The following EPAS1 variants were observed in gnomAD, a reference collection of about 807,000 sequenced individuals.
EPAS1 encodes the protein endothelial PAS domain protein 1, also known as endothelial PAS domain-containing protein 1.
In EPAS1, 23 loss-of-function variants were observed where a neutral mutation model predicts 87.9. That is an observed-to-expected ratio of 0.26 (90% confidence interval 0.19 to 0.37). The LOEUF (loss-of-function observed/expected upper bound fraction) is 0.37. EPAS1 is among the 10% of genes least tolerant of loss of function. The probability of loss-of-function intolerance (pLI) is 1.00; values close to 1 mark genes in which losing one functional copy is unlikely to be tolerated. For missense variants in EPAS1, 1,138 were observed against 1,120.7 expected (o/e 1.02, Z -0.22); for synonymous variants, 508 against 444.3 (o/e 1.14, Z -1.80).
At chr2:46,376,871 C>A in intron 9 of EPAS1, 118 bp downstream of exon 9, 6 of 1,062,788 alleles carry the variant, frequency 5.6e-6, no homozygotes, top group South Asian at 5.4e-5. Context: ...CCCAGCCCCC[C>A]AAGTCTTGTT....
intron 1 of EPAS1, among the ~76,000 whole-genome samples, chr2:46,302,942 G>A (rs1253235665): frequency 5.3e-5 from 8 of 151,986 alleles, no homozygotes; most frequent in African/African-American, 1.9e-4. Flanking sequence ...GCGTGGTGGC[G>A]TATGCCTGTA....
intron 1 of EPAS1, among the ~76,000 whole-genome samples, chr2:46,331,786 A>T (rs1683679148): frequency 6.6e-6 from 1 of 151,466 alleles, no homozygotes; most frequent in African/African-American, 2.4e-5. Flanking sequence ...CACTGCAGTC[A>T]CACCCCACCT....
chr2:46,318,750 C>T (rs1298337211), intron 1 of EPAS1, among the ~76,000 whole-genome samples: 2 of 152,144 alleles, frequency 1.3e-5, no homozygotes, highest in Non-Finnish European at 2.9e-5. Context: ...GACGTGTCTT[C>T]CCTAAATTCA....
At chr2:46,354,569 G>A (rs1481023429) in intron 2 of EPAS1, among the ~76,000 whole-genome samples, 2 of 150,690 alleles carry the variant, frequency 1.3e-5, no homozygotes, top group Admixed American at 6.6e-5. Flanking sequence ...AGATAGGGCA[G>A]GATACTCAAA....
At chr2:46,358,311 A>T (rs535474395) in intron 4 of EPAS1, among the ~76,000 whole-genome samples, 155 of 152,286 alleles carry the variant, frequency 1.0e-3, no homozygotes, top group Non-Finnish European at 1.5e-3. Context: ...GTCCTAGGGT[A>T]CACTGGCAGA....
chr2:46,318,177 G>C (rs553156127), intron 1 of EPAS1, among the ~76,000 whole-genome samples: 629 of 54,968 alleles, frequency 0.011, 1 homozygote, highest in Non-Finnish European at 0.017. Context: ...GGGGGAGAGA[G>C]AGATACACAC....
intron 1 of EPAS1, among the ~76,000 whole-genome samples, chr2:46,299,700 C>T (rs948034230): frequency 6.6e-6 from 1 of 152,176 alleles, no homozygotes; most frequent in Non-Finnish European, 1.5e-5. Flanking sequence ...GTCAGCTCCT[C>T]CTGCGCTCCT....
chr2:46,356,356 G>C (rs752633424), intron 3 of EPAS1, 54 bp downstream of exon 3: 23 of 1,607,342 alleles, frequency 1.4e-5, no homozygotes, highest in Non-Finnish European at 1.9e-5. Context: ...TTTGGGGGTA[G>C]AAATGAGTGG....
chr2:46,330,752 A>C (rs2104857648), intron 1 of EPAS1, among the ~76,000 whole-genome samples: 1 of 152,274 alleles, frequency 6.6e-6, no homozygotes, highest in Non-Finnish European at 1.5e-5. Flanking sequence ...CTTAGGAGGG[A>C]TGGTCCCAAG....
At position 46,381,599 on chromosome 2, in the gene EPAS1, T is replaced by C; in HGVS notation, c.2049T>C (p.Ser683=). 6.2e-7 allele frequency: 1 copy of C among 1,613,988 alleles called. No homozygotes were observed. The highest frequency in any genetic ancestry group is 1.1e-5 in the South Asian group (1 of 91,086). ...CCTGCTCTCTCGGGCTTGGCAGGTCTGCAAAGGGTTTTGGGGCTCGAGGCC... is the reference window on the plus strand; with the variant it reads ...CCTGCTCTCTCGGGCTTGGCAGGTCCGCAAAGGGTTTTGGGGCTCGAGGCC... The part of the protein sequence containing the change: ...PPHVSTFKTR[S]AKGFGARGPD... Residue 683 remains serine (S), a synonymous_variant, in exon 13 of 16, where the codon TCT becomes TCC. Coordinates refer to ENST00000263734, the MANE Select transcript of EPAS1 (RefSeq NM_001430.5).
intron 1 of EPAS1, among the ~76,000 whole-genome samples, chr2:46,321,152 G>A (rs1683448299): frequency 6.6e-6 from 1 of 152,132 alleles, no homozygotes; most frequent in African/African-American, 2.4e-5. Flanking sequence ...TTTATGTCTG[G>A]CTTATTTCAC....
At chr2:46,297,986 G>T (rs1682919500) in intron 1 of EPAS1, 49 bp downstream of exon 1, 5 of 1,601,050 alleles carry the variant, frequency 3.1e-6, no homozygotes, top group African/African-American at 2.7e-5. Context: ...GGCCAGGGCC[G>T]GGCTGCGCGG....
In EPAS1 at chr2:46,384,683, C is replaced by T. The variant is rs761641935; in HGVS notation, c.*23C>T. ...TGAGCCAGGCCTTCTACCTGGGCAG[C>T]ACCTCTGCCGACGCCGTCCCACCAG... On this transcript the variant is annotated 3_prime_UTR_variant, in exon 16 of 16. Coordinates refer to ENST00000263734, the MANE Select transcript of EPAS1 (RefSeq NM_001430.5). 21 of 1,612,030 alleles carry T rather than the reference C, an allele frequency of 1.3e-5. No homozygotes were observed. Among genetic ancestry groups the T allele is most frequent in the Admixed American group, 1.2e-4 (7 of 59,906 alleles).
intron 7 of EPAS1, among the ~76,000 whole-genome samples, chr2:46,373,337 A>C (rs915194054): frequency 3.9e-5 from 6 of 152,258 alleles, no homozygotes; most frequent in African/African-American, 1.4e-4. Context: ...AAATGTTTAT[A>C]GCAGCTTTAT....
intron 6 of EPAS1, among the ~76,000 whole-genome samples, chr2:46,369,540 T>C (rs2103652079): frequency 6.6e-6 from 1 of 152,310 alleles, no homozygotes; most frequent in African/African-American, 2.4e-5. Flanking sequence ...AACAGACATA[T>C]GTGTGTACCG....
intron 1 of EPAS1, among the ~76,000 whole-genome samples, chr2:46,302,964 T>G (rs1268748328): frequency 6.6e-6 from 1 of 151,990 alleles, no homozygotes; most frequent in African/African-American, 2.4e-5. Context: ...TCCCAGCTAC[T>G]CAAGAGGCTG....
At chr2:46,364,424 G>A (rs1024781458) in intron 6 of EPAS1, among the ~76,000 whole-genome samples, 3 of 152,058 alleles carry the variant, frequency 2.0e-5, no homozygotes, top group Non-Finnish European at 2.9e-5. Flanking sequence ...GATGAAAACC[G>A]ACAGGAAAGA....
intron 1 of EPAS1, among the ~76,000 whole-genome samples, chr2:46,308,149 C>A (rs1054339344): frequency 4.6e-5 from 7 of 152,172 alleles, no homozygotes; most frequent in Non-Finnish European, 1.0e-4. Context: ...CACTTCTATT[C>A]CCTCACACTA....
intron 15 of EPAS1, among the ~76,000 whole-genome samples, chr2:46,382,883 AAAGAGG>A: frequency 6.6e-6 from 1 of 152,372 alleles, no homozygotes; most frequent in East Asian, 1.9e-4. Context: ...CCGACTGCCC[AAAGAGG>A]ACTGAACACT....
Sources: allele counts gnomAD v4.1 joint callset (sites outside exome capture counted in the v4.1 genomes callset), GRCh38; gene constraint gnomAD v4.1.1; transcripts MANE v1.5; gene names NCBI Gene and HGNC (gene_info 2026-07-23, HGNC 2026-07-21).